PCDH15: variants seen among roughly 807,000 people sequenced by gnomAD.
PCDH15 encodes protocadherin related 15, also known as protocadherin-15.
Under a neutral mutation model 178.5 loss-of-function variants are expected in PCDH15, and 129 were observed. The ratio of observed to expected loss-of-function variants is 0.72; its 90% CI spans 0.63 to 0.84. The LOEUF (loss-of-function observed/expected upper bound fraction) is 0.84, where lower values mean the gene tolerates loss of function less well. PCDH15 is among the 40% of genes least tolerant of loss of function. The probability of loss-of-function intolerance (pLI) is 0.00; values close to 1 mark genes in which losing one functional copy is unlikely to be tolerated. For synonymous variants in PCDH15, 800 were observed against 732.0 expected, an observed-to-expected ratio of 1.09 and a Z score of -1.50; for missense variants, 2,230 against 2,099.9, an observed-to-expected ratio of 1.06 and a Z score of -1.21.
intron 3 of PCDH15, among the ~76,000 whole-genome samples, chr10:54,482,809 G>A (rs1218542944): frequency 7.2e-5 from 11 of 151,912 alleles, no homozygotes; most frequent in East Asian, 1.9e-4. Flanking sequence ...CAGTGGCGAG[G>A]TAGTGAATAG....
intron 2 of PCDH15, among the ~76,000 whole-genome samples, chr10:54,555,283 G>A (rs2087065166): frequency 6.6e-6 from 1 of 152,136 alleles, no homozygotes; most frequent in Admixed American, 6.5e-5. Context: ...ACAGATTATT[G>A]TGTATCACTC....
At chr10:55,363,692 A>G (rs1845285965) in intron 2 of PCDH15, among the ~76,000 whole-genome samples, 1 of 151,852 alleles carries the variant, frequency 6.6e-6, no homozygotes, top group Non-Finnish European at 1.5e-5. Flanking sequence ...CTGGAGTGCA[A>G]TGGCGCGATA....
At chr10:54,641,019 A>C in intron 2 of PCDH15, 1 of 195,206 alleles carries the variant, frequency 5.1e-6, no homozygotes, top group South Asian at 6.7e-5. Flanking sequence ...CAGGAGAATA[A>C]CTTGAACCCA....
chr10:54,747,535 T>C (rs924568321), intron 1 of PCDH15, among the ~76,000 whole-genome samples: 2 of 152,166 alleles, frequency 1.3e-5, no homozygotes, highest in African/African-American at 2.4e-5. Flanking sequence ...AACTACAGTT[T>C]TATAATAGAG....
intron 2 of PCDH15, among the ~76,000 whole-genome samples, chr10:55,364,833 CCT>C (rs1845315697): frequency 1.3e-5 from 2 of 151,890 alleles, no homozygotes; most frequent in African/African-American, 2.4e-5. Flanking sequence ...CACATTCTGC[CCT>C]CTTTTGTCTC....
chr10:55,008,328 G>A (rs1053217200), intron 2 of PCDH15, among the ~76,000 whole-genome samples: 4 of 151,792 alleles, frequency 2.6e-5, no homozygotes, highest in Admixed American at 6.6e-5. Flanking sequence ...GCTTAGTATC[G>A]GTAATCACAG....
At chr10:54,267,881 C>G (rs769877696) in intron 8 of PCDH15, among the ~76,000 whole-genome samples, 3 of 151,760 alleles carry the variant, frequency 2.0e-5, no homozygotes, top group Non-Finnish European at 4.4e-5. Flanking sequence ...CAATGCAGTT[C>G]CTATGAAACT....
intron 15 of PCDH15, among the ~76,000 whole-genome samples, chr10:54,101,357 T>C (rs1426840714): frequency 2.0e-5 from 3 of 152,070 alleles, no homozygotes; most frequent in African/African-American, 4.8e-5. Context: ...GTCAACTATA[T>C]TGGCAGTGGA....
At chr10:53,890,587 A>G (rs2081489484) in intron 26 of PCDH15, among the ~76,000 whole-genome samples, 2 of 152,132 alleles carry the variant, frequency 1.3e-5, no homozygotes, top group East Asian at 3.9e-4. Context: ...GTCTAGGGGG[A>G]GAAATCCTGG....
intron 2 of PCDH15, among the ~76,000 whole-genome samples, chr10:55,538,440 CCCTTCCTTCCTT>C (rs1458846246): frequency 8.8e-6 from 1 of 113,430 alleles, no homozygotes; most frequent in South Asian, 3.3e-4. Flanking sequence ...CTTCCTTCCT[CCCTTCCTTCCTT>C]CTTTCCTTCC....
At chr10:53,841,854 C>T (rs953875809) in intron 28 of PCDH15, among the ~76,000 whole-genome samples, 1 of 148,220 alleles carries the variant, frequency 6.7e-6, no homozygotes, top group East Asian at 2.1e-4. Flanking sequence ...TCCAGCTAGT[C>T]GGGAGATGAA....
intron 26 of PCDH15, among the ~76,000 whole-genome samples, chr10:53,900,070 C>T (rs2082223975): frequency 1.3e-5 from 2 of 152,154 alleles, no homozygotes; most frequent in Non-Finnish European, 2.9e-5. Context: ...TCTTCATCCT[C>T]CAGGAAACCT....
chr10:54,020,008 G>A lies in PCDH15; in HGVS notation c.2751+184C>T, dbSNP rs3812660. ...GCCTCTTTCAAATTTATCTTTTATA[G>A]TCAAAAATATAGTTATTTCTTATGT... is the stretch of plus-strand genomic sequence containing the variant. On this transcript the variant is annotated intron_variant, in intron 20 of 37. Transcript: ENST00000644397. Among the ~76,000 whole-genome samples the A allele has an allele frequency of 0.12, 18,275 of 151,940 alleles. 2,206 individuals carry two copies. The highest frequency in any genetic ancestry group is 0.3 in the African/African-American group (12,420 of 41,404).
At chr10:54,670,125 CATT>C in intron 1 of PCDH15, among the ~76,000 whole-genome samples, 1 of 152,168 alleles carries the variant, frequency 6.6e-6, no homozygotes, top group Non-Finnish European at 1.5e-5. Context: ...TCATCCTAAA[CATT>C]GTGGGATAAA....
At chr10:54,270,255 A>G (rs2078091) in intron 8 of PCDH15, among the ~76,000 whole-genome samples, 103,936 of 151,886 alleles carry the variant, frequency 0.68, 36,412 homozygotes, top group Middle Eastern at 0.77. Context: ...GTCTTATCAT[A>G]CATCCTAAAC....
At chr10:54,377,926 A>C (rs1948685914) in intron 4 of PCDH15, among the ~76,000 whole-genome samples, 1 of 151,784 alleles carries the variant, frequency 6.6e-6, no homozygotes, top group Non-Finnish European at 1.5e-5. Flanking sequence ...GTAATTTAGC[A>C]ATTTTTTTTT....
intron 1 of PCDH15, among the ~76,000 whole-genome samples, chr10:55,221,552 T>A (rs570381993): frequency 6.6e-6 from 1 of 152,168 alleles, no homozygotes; most frequent in Admixed American, 6.5e-5. Context: ...AGTAAATTTA[T>A]TGTCATTAAA....
intron 8 of PCDH15, among the ~76,000 whole-genome samples, chr10:54,299,064 G>A (rs1160199674): frequency 2.0e-5 from 3 of 152,168 alleles, no homozygotes; most frequent in East Asian, 1.9e-4. Context: ...TTATACTGCC[G>A]AAGCCATCAA....
Position 54,741,946 on chromosome 10 carries a change from C to T in PCDH15, c.-29+58979G>A, listed in dbSNP as rs369423095. 3.9e-5 allele frequency among the ~76,000 whole-genome samples: 6 copies of T among 152,030 alleles called. No individual in the cohort carries two copies. The East Asian group carries it at 1.2e-3, about 29-fold the overall frequency. On this transcript the variant is annotated intron_variant, in intron 1 of 37. Transcript: ENST00000644397. ...CACTTACCATGGGCTATAACATATT[C>T]AACAATTGTGAGGTATAAGACATTA...
Sources: gnomAD v4.1 joint callset for allele counts (sites outside exome capture counted in the v4.1 genomes callset) on GRCh38, gnomAD v4.1.1 for gene constraint, MANE v1.5 for transcripts, NCBI Gene and HGNC (gene_info 2026-07-23, HGNC 2026-07-21) for gene names.